KLF13: variants seen among roughly 807,000 people sequenced by gnomAD.
The protein encoded by KLF13 is KLF transcription factor 13.
In KLF13, 8 loss-of-function variants were observed where a neutral mutation model predicts 16.7. The ratio of observed to expected loss-of-function variants is 0.48; its 90% CI spans 0.28 to 0.87. The LOEUF is 0.87. Ranked by LOEUF, KLF13 falls within the 40% of genes least tolerant of loss-of-function variation. KLF13 has a pLI of 0.10. For missense variants in KLF13, 447 were observed against 452.2 expected (o/e 0.99, Z 0.10); for synonymous variants, 245 against 208.4 (o/e 1.18, Z -1.51).
chr15:31,347,151 A>C (rs2039135529), intron 1 of KLF13, among the ~76,000 whole-genome samples: 1 of 152,214 alleles, frequency 6.6e-6, no homozygotes, highest in South Asian at 2.1e-4. Flanking sequence ...TCCTGGGATC[A>C]GCAGGCGTTC....
At chr15:31,409,292 C>A (rs983423883), downstream of KLF13, among the ~76,000 whole-genome samples, 2 of 151,854 alleles carry the variant, frequency 1.3e-5, no homozygotes, top group African/African-American at 2.4e-5. Context: ...CTCAAAAAAA[C>A]CCCAAAAAAC....
chr15:31,337,316 C>T lies in KLF13; in HGVS notation c.577+9527C>T, dbSNP rs116812249. ...CAGTTGTTGTTTTTGTCTTCTAGCA[C>T]GGATGGTGTGGCAGAAGGAGGCCTT... On this transcript the variant is annotated intron_variant, in intron 1 of 1. Coordinates refer to ENST00000307145, the MANE Select transcript of KLF13 (RefSeq NM_015995.4). 7.3e-3 allele frequency among the ~76,000 whole-genome samples: 1,112 copies of T among 152,340 alleles called. 17 individuals carry two copies. Among genetic ancestry groups the T allele is most frequent in the African/African-American group, 0.025 (1,030 of 41,568 alleles).
chr15:31,394,435 C>T (rs569341787), intron 2 of KLF13, among the ~76,000 whole-genome samples: 1 of 150,906 alleles, frequency 6.6e-6, no homozygotes, highest in Non-Finnish European at 1.5e-5. Context: ...TGCAGTGAGC[C>T]CAGATTGGGC....
rs960055502 is a variant in KLF13, at chr15:31,327,028, C to G, written c.-185C>G. The G allele has an allele frequency of 4.4e-5, 15 of 339,784 alleles. No homozygotes were observed. The highest frequency in any genetic ancestry group is 6.0e-5 in the Admixed American group (1 of 16,754). The allele number at this position is 339,784 out of a possible 1,614,324, so 21.0% of individuals were successfully genotyped here. ...ACTCTTCGGTGCCCGGCCGGGCCGG[C>G]GCCTCGCAGACGCGGAGCCGCGCGG... is the stretch of plus-strand genomic sequence containing the variant. On this transcript the variant is annotated 5_prime_UTR_variant, in exon 1 of 2. Coordinates refer to ENST00000307145, the MANE Select transcript of KLF13 (RefSeq NM_015995.4).
chr15:31,423,655 A>T (rs1277577766), intron 1 of KLF13, among the ~76,000 whole-genome samples: 1 of 152,154 alleles, frequency 6.6e-6, no homozygotes, highest in Non-Finnish European at 1.5e-5. Context: ...CTTGAACAAC[A>T]TTATAGACCA....
intron 1 of KLF13, among the ~76,000 whole-genome samples, chr15:31,338,229 A>T (rs1259148654): frequency 3.3e-5 from 5 of 152,216 alleles, no homozygotes; most frequent in Non-Finnish European, 7.3e-5. Flanking sequence ...CTGGATTATG[A>T]GCCAAGCGTT....
intron 2 of KLF13, among the ~76,000 whole-genome samples, chr15:31,399,273 C>T (rs2040000283): frequency 6.6e-6 from 1 of 152,156 alleles, no homozygotes; most frequent in South Asian, 2.1e-4. Context: ...CCTCTGCCTC[C>T]CAGGATCAAG....
chr15:31,369,335 G>A (rs1430086883), intron 1 of KLF13, among the ~76,000 whole-genome samples: 1 of 152,202 alleles, frequency 6.6e-6, no homozygotes, highest in East Asian at 1.9e-4. Flanking sequence ...GCTTCCATCA[G>A]CAGGGCCTGT....
chr15:31,369,466 A>G (rs1205830056), intron 1 of KLF13, among the ~76,000 whole-genome samples: 4 of 152,224 alleles, frequency 2.6e-5, no homozygotes, highest in Non-Finnish European at 5.9e-5. Context: ...ATCATGAGGC[A>G]TTTTCGTTTA....
At chr15:31,363,599 G>T (rs1376042504) in intron 1 of KLF13, among the ~76,000 whole-genome samples, 1 of 152,190 alleles carries the variant, frequency 6.6e-6, no homozygotes, top group Non-Finnish European at 1.5e-5. Context: ...TGATTCTCCT[G>T]TCTCAGCCTC....
Position 31,372,075 on chromosome 15 carries a change from G to A in KLF13, c.643G>A (p.Ala215Thr). Residue 215 changes from alanine (A) to threonine (T), a missense_variant, in exon 2 of 2, where the codon GCG becomes ACG. Around this residue, in one of 2 missense-constraint regions of KLF13, gnomAD observed 88 missense variants for 169.5 expected, o/e 0.52. Coordinates refer to ENST00000307145, the MANE Select transcript of KLF13 (RefSeq NM_015995.4). ...NKKFARSDEL[A>T]RHYRTHTGEK... ...GAAGTTCGCGCGCTCCGACGAGCTG[G>A]CGCGGCACTACCGCACACACACGGG... 1 of 1,612,736 alleles carries A rather than the reference G, an allele frequency of 6.2e-7. No homozygotes were observed. Among genetic ancestry groups the A allele is most frequent in the Non-Finnish European group, 8.5e-7 (1 of 1,179,864 alleles).
rs986290219 is a variant in KLF13 at position 31,411,396 on chromosome 15, T to C, written n.117+17705T>C. ...AACTTACCATACCAACACATTTTTTTTTTCTTTTTTTTTTTTTGAGATGGA... is the reference window on the plus strand; with the variant it reads ...AACTTACCATACCAACACATTTTTTCTTTCTTTTTTTTTTTTTGAGATGGA... On this transcript the variant is annotated intron_variant and non_coding_transcript_variant, in intron 1 of 1. Coordinates refer to the KLF13 transcript ENST00000558225. Among the ~76,000 whole-genome samples the C allele has an allele frequency of 1.0e-4, 14 of 134,260 alleles. 1 individual carries two copies. The highest frequency in any genetic ancestry group is 1.0e-3 in the Admixed American group (14 of 13,808). 88.1% of individuals were successfully genotyped at this position (134,260 alleles called of 152,430 possible). A position where few individuals can be genotyped will look rare whatever the true frequency, so the allele number is the denominator to read the frequency against.
At chr15:31,329,785 G>T (rs569759959) in intron 1 of KLF13, among the ~76,000 whole-genome samples, 2 of 152,300 alleles carry the variant, frequency 1.3e-5, no homozygotes, top group African/African-American at 2.4e-5. Flanking sequence ...CACCCTTCAG[G>T]TGTGCAGACA....
chr15:31,378,438 C>T (rs1258145986), downstream of KLF13, among the ~76,000 whole-genome samples: 2 of 152,132 alleles, frequency 1.3e-5, no homozygotes, highest in African/African-American at 4.8e-5. Flanking sequence ...AGTAGGAAGG[C>T]AGGTGTTGAT....
At chr15:31,331,771 C>T (rs2038838246) in intron 1 of KLF13, among the ~76,000 whole-genome samples, 1 of 152,216 alleles carries the variant, frequency 6.6e-6, no homozygotes, top group South Asian at 2.1e-4. Flanking sequence ...TGCCAGCCTG[C>T]ACCACCACCA....
intron 1 of KLF13, among the ~76,000 whole-genome samples, chr15:31,433,778 T>C (rs2040499158): frequency 6.6e-6 from 1 of 152,212 alleles, no homozygotes; most frequent in African/African-American, 2.4e-5. Context: ...GGGCTGACAC[T>C]GACTGGCCAC....
Position 31,373,867 on chromosome 15 carries a change from CGT to C in KLF13, c.*1570_*1571del, listed in dbSNP as rs1228369311. The C allele has an allele frequency of 4.1e-5, 5 of 120,988 alleles. No individual in the cohort carries two copies. Among genetic ancestry groups the C allele is most frequent in the Non-Finnish European group, 6.5e-5 (4 of 61,262 alleles). The allele number at this position is 120,988 out of a possible 1,614,324, so 7.5% of individuals were successfully genotyped here. ...GTGCGTGCGTGTGGGTGTGTGCGCG[CGT>C]GAGCACACACGCGTGTGTTGGGGGG... On this transcript the variant is annotated 3_prime_UTR_variant, in exon 2 of 2. Coordinates refer to ENST00000307145, the MANE Select transcript of KLF13 (RefSeq NM_015995.4).
intron 1 of KLF13, among the ~76,000 whole-genome samples, chr15:31,364,711 G>T (rs994962574): frequency 2.6e-5 from 4 of 152,228 alleles, no homozygotes; most frequent in African/African-American, 9.6e-5. Flanking sequence ...TCTAGCTCTG[G>T]CGCCAGCCAG....
chr15:31,334,606 T>G (rs368191037), intron 1 of KLF13, among the ~76,000 whole-genome samples: 3 of 152,124 alleles, frequency 2.0e-5, no homozygotes, highest in Non-Finnish European at 2.9e-5. Context: ...TTTTGTATTT[T>G]TAGTAGAGAC....
Sources: allele counts gnomAD v4.1 joint callset (sites outside exome capture counted in the v4.1 genomes callset), GRCh38; gene constraint gnomAD v4.1.1; regional missense constraint gnomAD v4.1.1; transcripts MANE v1.5; gene names NCBI Gene and HGNC (gene_info 2026-07-23, HGNC 2026-07-21).